The following C8orf34 variants were observed in gnomAD, a reference collection of about 807,000 sequenced individuals.
C8orf34 encodes chromosome 8 open reading frame 34.
C8orf34 carries 65 observed loss-of-function variants against 68.3 expected under a neutral mutation model. The observed-to-expected ratio is 0.95, with a 90% CI of 0.78 to 1.17. C8orf34 has a LOEUF of 1.17. C8orf34 is among the 50% of genes most tolerant of loss of function. C8orf34 has a pLI of 0.00. For synonymous variants in C8orf34, 244 were observed against 241.2 expected (o/e 1.01, Z -0.11); for missense variants, 664 against 655.4 (o/e 1.01, Z -0.14).
chr8:68,501,592 GA>G (rs529615076), intron 5 of C8orf34, among the ~76,000 whole-genome samples: 25 of 152,262 alleles, frequency 1.6e-4, no homozygotes, highest in South Asian at 8.3e-4. Context: ...CACAGAGTGG[GA>G]ATTTTCCTGG....
rs1219127434 is a variant in C8orf34, at chr8:68,776,440, CATGG to C, written c.1448_1451del (p.Met483LysfsTer6). ...GAGTAGGACACTCACTGAAAAACTA[CATGG>C]AAGAAGTGAGTTTTAAGGTTGCTTT... On this transcript the variant is annotated frameshift_variant, in exon 11 of 14. Transcript: ENST00000518698. LOFTEE classifies it high-confidence loss of function. The C allele has an allele frequency of 2.9e-5, 47 of 1,612,576 alleles. No individual in the cohort carries two copies. The highest frequency in any genetic ancestry group is 3.6e-5 in the Non-Finnish European group (43 of 1,178,906).
chr8:68,615,962 T>A (rs1025968353), intron 7 of C8orf34, among the ~76,000 whole-genome samples: 2 of 151,252 alleles, frequency 1.3e-5, no homozygotes, highest in African/African-American at 4.9e-5. Flanking sequence ...TTGCCACAAT[T>A]TCAGAGCCTG....
chr8:68,712,494 A>G (rs1354843101), intron 9 of C8orf34, among the ~76,000 whole-genome samples: 3 of 152,330 alleles, frequency 2.0e-5, no homozygotes, highest in Middle Eastern at 3.4e-3. Context: ...AGGGGTAGAA[A>G]AAGGTATTCC....
chr8:68,793,798 C>G (rs1454088278), intron 12 of C8orf34, among the ~76,000 whole-genome samples: 2 of 151,898 alleles, frequency 1.3e-5, no homozygotes, highest in Non-Finnish European at 2.9e-5. Context: ...CCCATGCACC[C>G]TGAACTTGAA....
At chr8:68,794,510 T>TG (rs1824122493) in intron 12 of C8orf34, among the ~76,000 whole-genome samples, 1 of 125,966 alleles carries the variant, frequency 7.9e-6, no homozygotes, top group Non-Finnish European at 1.6e-5. Flanking sequence ...TATATATTTT[T>TG]TTTTTTTTTT....
At chr8:68,795,416 T>C (rs577884412) in intron 12 of C8orf34, among the ~76,000 whole-genome samples, 1 of 152,156 alleles carries the variant, frequency 6.6e-6, no homozygotes, top group South Asian at 2.1e-4. Context: ...AAACTGGACA[T>C]GTAATATAAC....
intron 7 of C8orf34, among the ~76,000 whole-genome samples, chr8:68,601,327 C>T (rs1437119265): frequency 6.6e-6 from 1 of 151,938 alleles, no homozygotes; most frequent in Non-Finnish European, 1.5e-5. Context: ...TATTCAGTCC[C>T]ATTCTCTTTT....
chr8:68,790,190 A>G (rs116236160), intron 12 of C8orf34, among the ~76,000 whole-genome samples: 4 of 152,190 alleles, frequency 2.6e-5, no homozygotes, highest in African/African-American at 7.2e-5. Flanking sequence ...CTTTCAGTCA[A>G]CGCATGTGGT....
chr8:68,468,821 G>A lies in C8orf34; in HGVS notation c.736+1G>A, dbSNP rs777718252. On this transcript the variant is annotated splice_donor_variant, in intron 4 of 13. Transcript: ENST00000518698. LOFTEE classifies it high-confidence loss of function. ...AAAGCCCTTGAGAATCTCTCTCGAA[G>A]TAAGTTCATTTACTTGATTATAATT... is the stretch of plus-strand genomic sequence containing the variant. 1.9e-6 allele frequency: 3 copies of A among 1,608,114 alleles called. No individual in the cohort carries two copies. The East Asian group carries it at 6.7e-5, about 36-fold the overall frequency.
intron 8 of C8orf34, among the ~76,000 whole-genome samples, chr8:68,678,924 C>CA (rs1359236485): frequency 6.9e-6 from 1 of 144,762 alleles, no homozygotes; most frequent in Non-Finnish European, 1.5e-5. Context: ...GATACAAAAT[C>CA]AACAAACAAA....
chr8:68,357,356 T>C (rs1238928766), intron 1 of C8orf34, among the ~76,000 whole-genome samples: 1 of 152,162 alleles, frequency 6.6e-6, no homozygotes, highest in Non-Finnish European at 1.5e-5. Context: ...AGACTTTCCA[T>C]AGCTTCACAA....
At chr8:68,417,902 G>A (rs887873031) in intron 1 of C8orf34, among the ~76,000 whole-genome samples, 2 of 151,640 alleles carry the variant, frequency 1.3e-5, no homozygotes, top group Admixed American at 6.6e-5. Flanking sequence ...CCATTTTCAA[G>A]ATATTGATTC....
intron 1 of C8orf34, among the ~76,000 whole-genome samples, chr8:68,395,361 T>TCTCA (rs1458160269): frequency 6.4e-5 from 5 of 77,776 alleles, no homozygotes; most frequent in African/African-American, 1.5e-4. Flanking sequence ...TGTGTGTCTC[T>TCTCA]CACACACACA....
chr8:68,715,357 C>A (rs931972548), intron 9 of C8orf34, among the ~76,000 whole-genome samples: 5 of 151,934 alleles, frequency 3.3e-5, no homozygotes, highest in Non-Finnish European at 5.9e-5. Flanking sequence ...GGGAGAAATT[C>A]TTCATAATCT....
At chr8:68,521,048 T>C (rs915634598) in intron 5 of C8orf34, among the ~76,000 whole-genome samples, 3 of 152,204 alleles carry the variant, frequency 2.0e-5, no homozygotes, top group African/African-American at 7.2e-5. Context: ...TAGCAAGTCT[T>C]AATAAATATT....
At chr8:68,367,930 A>AAG (rs1265112046) in intron 1 of C8orf34, among the ~76,000 whole-genome samples, 13 of 149,078 alleles carry the variant, frequency 8.7e-5, no homozygotes, top group Non-Finnish European at 1.9e-4. Flanking sequence ...AAAAAAAAAA[A>AAG]AAAAAAAGAA....
At chr8:68,701,074 A>G (rs1821002632) in intron 8 of C8orf34, among the ~76,000 whole-genome samples, 1 of 152,090 alleles carries the variant, frequency 6.6e-6, no homozygotes, top group Non-Finnish European at 1.5e-5. Context: ...AGGATCTACT[A>G]TTTATTTTGC....
At chr8:68,798,301 T>C (rs1401281400) in intron 12 of C8orf34, among the ~76,000 whole-genome samples, 4 of 150,180 alleles carry the variant, frequency 2.7e-5, no homozygotes, top group Admixed American at 6.6e-5. Context: ...TTTTTTTTTT[T>C]TTTTTTTAAA....
At position 68,346,789 on chromosome 8, in the gene C8orf34, T is replaced by A. The variant is rs371731090; in HGVS notation, c.327+15450T>A. Among the ~76,000 whole-genome samples, 35 of 152,218 alleles carry A rather than the reference T, an allele frequency of 2.3e-4. No homozygotes were observed. In the East Asian group the frequency reaches 5.0e-3, roughly 22 times the overall value. On this transcript the variant is annotated intron_variant, in intron 1 of 13. Transcript: ENST00000518698. ...CATGGCTTGATAGCTTATTTCTTTT[T>A]TAGTTTTGAATAATATTTCATTGTT...
Sources: gnomAD v4.1 joint callset for allele counts (sites outside exome capture counted in the v4.1 genomes callset) on GRCh38, gnomAD v4.1.1 for gene constraint, MANE v1.5 for transcripts, NCBI Gene and HGNC (gene_info 2026-07-23, HGNC 2026-07-21) for gene names.